XIST: variants seen among roughly 807,000 people sequenced by gnomAD.
XIST encodes the protein X inactive specific transcript.
chrX:73,847,128 T>A (rs756186165), exon 1 of XIST: 12 of 557,462 alleles, frequency 2.2e-5, no homozygotes, highest in Non-Finnish European at 2.9e-5. Flanking sequence ...GGGATGTAAA[T>A]ACAGTGGGTG....
At chrX:73,836,755 C>T (rs1287483444) in intron 2 of XIST, among the ~76,000 whole-genome samples, 1 of 111,144 alleles carries the variant, frequency 9.0e-6, no homozygotes, top group African/African-American at 3.3e-5. Flanking sequence ...TGCAGAAATA[C>T]ATCATTTTAG....
exon 1 of XIST, chrX:73,844,488 C>T (rs762264532): frequency 5.4e-6 from 3 of 557,211 alleles, no homozygotes; most frequent in African/African-American, 4.5e-5. Context: ...GAGAGTAGGA[C>T]TTTATTCAAA....
chrX:73,831,762 C>T (rs66680227), intron 3 of XIST, among the ~76,000 whole-genome samples: 4,803 of 111,846 alleles, frequency 0.043, 98 homozygotes, highest in Middle Eastern at 0.056. Flanking sequence ...TGTAAGAATT[C>T]TCCTCCACAA....
At chrX:73,824,220 AATAG>A in exon 6 of XIST, 1 of 515,646 alleles carries the variant, frequency 1.9e-6, no homozygotes, top group Non-Finnish European at 3.5e-6. Flanking sequence ...ATTGGCACAC[AATAG>A]ATAACTACTA....
At chrX:73,834,255 A>G (rs190223883) in intron 2 of XIST, among the ~76,000 whole-genome samples, 1 of 112,560 alleles carries the variant, frequency 8.9e-6, no homozygotes, top group Admixed American at 9.4e-5. Context: ...TTTTAAATAA[A>G]CGGATCCTAG....
chrX:73,848,917 G>C (rs1569512766), exon 1 of XIST: 3 of 556,228 alleles, frequency 5.4e-6, no homozygotes, highest in Middle Eastern at 3.1e-4. Context: ...CACATAAGTG[G>C]GTCTTCTCTG....
chrX:73,846,120 G>C, exon 1 of XIST: 1 of 555,721 alleles, frequency 1.8e-6, no homozygotes, highest in East Asian at 3.3e-5. Flanking sequence ...GAGTGTGGCA[G>C]GGGAGGCTTC....
chrX:73,847,123 G>A (rs2067732237), exon 1 of XIST: 2 of 559,315 alleles, frequency 3.6e-6, no homozygotes, highest in Admixed American at 4.4e-5. Flanking sequence ...CAGCTGGGAT[G>A]TAAATACAGT....
exon 6 of XIST, chrX:73,822,122 A>G: frequency 1.8e-6 from 1 of 559,104 alleles, no homozygotes; most frequent in Non-Finnish European, 3.2e-6. Context: ...GTGGTTCCCC[A>G]AGGCTGGTAC....
At position 73,821,864 on chromosome X, in the gene XIST, C is replaced by T. The variant is rs1190842445; in HGVS notation, n.18037G>A. On this transcript the variant is annotated non_coding_transcript_exon_variant, in exon 6 of 6. Coordinates refer to ENST00000429829, the Ensembl canonical transcript of XIST. The stretch of plus-strand genomic sequence containing the variant: ...GCTGTTTTCATCCACTGATATTATT[C>T]TACTATAAAAAGCCCTTCTTGAGCA... 7.3e-6 allele frequency: 4 copies of T among 549,105 alleles called. No homozygotes were observed. The East Asian group carries it at 9.8e-5, about 13-fold the overall frequency. The allele number at this position is 549,105 out of a possible 1,213,427, so 45.3% of individuals were successfully genotyped here.
At chrX:73,846,615 G>C (rs1449794121) in exon 1 of XIST, 1 of 557,129 alleles carries the variant, frequency 1.8e-6, no homozygotes, top group African/African-American at 2.2e-5. Flanking sequence ...TGTGCACCTA[G>C]ACTCTCCAAA....
At chrX:73,837,644 G>A in intron 1 of XIST, 1 of 412,023 alleles carries the variant, frequency 2.4e-6, no homozygotes, top group Non-Finnish European at 4.2e-6. Context: ...GGGAAAAACT[G>A]GGTGTGAAGT....
rs371147058 is a variant in XIST at position 73,835,146 on chromosome X, TGG to T, written n.11407-1774_11407-1773del. Among the ~76,000 whole-genome samples the T allele has an allele frequency of 5.1e-3, 575 of 111,665 alleles. 6 individuals carry two copies. Among genetic ancestry groups the T allele is most frequent in the African/African-American group, 0.018 (543 of 30,721 alleles). ...CCACAATTCAAAGGTCTTTTAACTGTGGGGTCTGTGCATAGATTCTCAGGACA... is the reference window on the plus strand; with the variant it reads ...CCACAATTCAAAGGTCTTTTAACTGTGGTCTGTGCATAGATTCTCAGGACA... On this transcript the variant is annotated intron_variant and non_coding_transcript_variant, in intron 2 of 5. Coordinates refer to ENST00000429829, the Ensembl canonical transcript of XIST.
chrX:73,829,834 C>T (rs1158921188), intron 4 of XIST, among the ~76,000 whole-genome samples: 2 of 107,501 alleles, frequency 1.9e-5, no homozygotes, highest in Non-Finnish European at 3.8e-5. Context: ...GTTTTAAGTG[C>T]CAATCAGCTA....
exon 6 of XIST, chrX:73,821,257 G>T: frequency 1.8e-6 from 1 of 556,359 alleles, no homozygotes; most frequent in South Asian, 2.3e-5. Flanking sequence ...ATCATACTTT[G>T]ACATTTATCT....
chrX:73,849,885 G>A (rs1258953039), exon 1 of XIST: 8 of 503,129 alleles, frequency 1.6e-5, no homozygotes, highest in Non-Finnish European at 2.8e-5. Flanking sequence ...GCAGGGCTGG[G>A]GCGGGGTGGG....
exon 1 of XIST, chrX:73,849,727 C>A (rs1228576321): frequency 1.8e-6 from 1 of 553,598 alleles, no homozygotes; most frequent in Non-Finnish European, 3.2e-6. Context: ...AACGGAATAT[C>A]CCAGTATAAT....
chrX:73,822,027 T>C (rs1352100413), exon 6 of XIST: 1 of 558,790 alleles, frequency 1.8e-6, no homozygotes, highest in East Asian at 3.2e-5. Flanking sequence ...GCAGTGTATG[T>C]ATGTGTCAGC....
Position 73,823,860 on chromosome X carries a change from G to C in XIST, n.16041C>G, listed in dbSNP as rs747268076. ...CCTATATTACTTCATTTCCTTCTGT[G>C]AGCACTCTATAATGATAACATCATT... On this transcript the variant is annotated non_coding_transcript_exon_variant, in exon 6 of 6. Transcript: ENST00000429829. 3 of 558,024 alleles carry C rather than the reference G, an allele frequency of 5.4e-6. No homozygotes were observed. The South Asian group carries it at 6.7e-5, about 12-fold the overall frequency. 46.0% of individuals were successfully genotyped at this position (558,024 alleles called of 1,213,427 possible). A position where few individuals can be genotyped will look rare whatever the true frequency, so the allele number is the denominator to read the frequency against.
Sources: gnomAD v4.1 joint callset for allele counts (sites outside exome capture counted in the v4.1 genomes callset) on GRCh38, gnomAD v4.1.1 for gene constraint, MANE v1.5 for transcripts, NCBI Gene and HGNC (gene_info 2026-07-23, HGNC 2026-07-21) for gene names.